TMC1: variants seen among roughly 807,000 people sequenced by gnomAD.
TMC1 encodes transmembrane channel like 1, also known as transmembrane channel-like protein 1.
TMC1 carries 84 observed loss-of-function variants against 105.8 expected under a neutral mutation model. The observed-to-expected ratio is 0.79, with a 90% CI of 0.67 to 0.95. The LOEUF (loss-of-function observed/expected upper bound fraction) is 0.95, where lower values mean the gene tolerates loss of function less well. Ranked by LOEUF, TMC1 falls within the 40% of genes least tolerant of loss-of-function variation. The probability of loss-of-function intolerance (pLI) is 0.00; values close to 1 mark genes in which losing one functional copy is unlikely to be tolerated. For synonymous variants in TMC1, 315 were observed against 311.5 expected (o/e 1.01, Z -0.12); for missense variants, 817 against 914.1 (o/e 0.89, Z 1.37).
At chr9:72,539,801 C>A (rs979689713) in intron 1 of TMC1, among the ~76,000 whole-genome samples, 3 of 152,186 alleles carry the variant, frequency 2.0e-5, no homozygotes, top group African/African-American at 7.2e-5. Context: ...AGTATTCTGA[C>A]TTTGTCCATT....
intron 1 of TMC1, among the ~76,000 whole-genome samples, chr9:72,540,327 G>T (rs924018421): frequency 1.3e-5 from 2 of 152,164 alleles, no homozygotes; most frequent in African/African-American, 4.8e-5. Context: ...GTCATGCTCA[G>T]CCTGTACTAT....
chr9:72,612,670 A>C (rs865814125), intron 2 of TMC1, among the ~76,000 whole-genome samples: 1 of 152,212 alleles, frequency 6.6e-6, no homozygotes, highest in African/African-American at 2.4e-5. Flanking sequence ...CTTTTGGCCC[A>C]TAGGCTATAA....
chr9:72,630,960 C>T (rs542264352), intron 4 of TMC1, among the ~76,000 whole-genome samples: 2 of 151,814 alleles, frequency 1.3e-5, no homozygotes, highest in Non-Finnish European at 2.9e-5. Flanking sequence ...CCTCTGCCTC[C>T]GGGTTCAATC....
intron 8 of TMC1, among the ~76,000 whole-genome samples, chr9:72,706,462 G>A (rs1044389241): frequency 1.3e-5 from 2 of 152,080 alleles, no homozygotes; most frequent in Non-Finnish European, 2.9e-5. Context: ...GGAACAGGTG[G>A]TATTTGGTTA....
rs189422846 is a variant in TMC1, at chr9:72,531,985, G to A, written c.-428+10072G>A. 2.1e-4 allele frequency among the ~76,000 whole-genome samples: 32 copies of A among 152,128 alleles called. No homozygotes were observed. In the East Asian group the frequency reaches 3.5e-3, roughly 17 times the overall value. ...CTTGCTCTGCTGCCCAGGCTGGAGT[G>A]CAGTGGTGTGATCTTGGCTCACTGC... On this transcript the variant is annotated intron_variant, in intron 1 of 23. Transcript: ENST00000297784.
chr9:72,557,067 C>T (rs528336343), intron 1 of TMC1, among the ~76,000 whole-genome samples: 14 of 152,072 alleles, frequency 9.2e-5, no homozygotes, highest in Admixed American at 2.6e-4. Context: ...GGTTGAGAAA[C>T]GCTGGTCTAA....
chr9:72,681,806 CCTCT>C (rs1323261288), intron 5 of TMC1, among the ~76,000 whole-genome samples: 2 of 152,142 alleles, frequency 1.3e-5, no homozygotes, highest in Non-Finnish European at 2.9e-5. Context: ...GAGTTAGTGT[CCTCT>C]CTCTGTGACC....
chr9:72,704,639 C>T (rs1826703429), intron 8 of TMC1, among the ~76,000 whole-genome samples: 1 of 152,124 alleles, frequency 6.6e-6, no homozygotes, highest in South Asian at 2.1e-4. Flanking sequence ...CTCTATACAG[C>T]TGAAAGGAAG....
At chr9:72,785,786 TTATTTC>T (rs1292388933) in intron 13 of TMC1, among the ~76,000 whole-genome samples, 1 of 152,200 alleles carries the variant, frequency 6.6e-6, no homozygotes, top group African/African-American at 2.4e-5. Context: ...CATGAATTGT[TTATTTC>T]TAGAATTTTC....
intron 18 of TMC1, 28 bp downstream of exon 18, chr9:72,805,538 T>A (rs1306126852): frequency 3.8e-6 from 6 of 1,567,436 alleles, no homozygotes; most frequent in Non-Finnish European, 5.2e-6. Flanking sequence ...TTTGCTTTTT[T>A]TTTTTTTTAA....
At chr9:72,770,134 T>C (rs1827901493) in intron 12 of TMC1, among the ~76,000 whole-genome samples, 1 of 152,064 alleles carries the variant, frequency 6.6e-6, no homozygotes, top group East Asian at 1.9e-4. Context: ...CCATGTCTTA[T>C]CTTAGACATG....
intron 3 of TMC1, among the ~76,000 whole-genome samples, chr9:72,620,374 C>T (rs778996494): frequency 2.6e-5 from 4 of 151,754 alleles, no homozygotes; most frequent in Non-Finnish European, 4.4e-5. Context: ...CCTGAGTAGC[C>T]GGGACTATAA....
At chr9:72,614,243 T>C (rs1360227127) in intron 2 of TMC1, among the ~76,000 whole-genome samples, 2 of 152,168 alleles carry the variant, frequency 1.3e-5, no homozygotes, top group African/African-American at 4.8e-5. Flanking sequence ...GTTTGGATGA[T>C]GTCATAATTT....
At chr9:72,525,508 T>A (rs188851442) in intron 1 of TMC1, among the ~76,000 whole-genome samples, 2 of 152,342 alleles carry the variant, frequency 1.3e-5, no homozygotes, top group Admixed American at 6.5e-5. Context: ...TAATTTCTTT[T>A]GAGATTTTAT....
chr9:72,760,894 G>T (rs1550760), intron 12 of TMC1, among the ~76,000 whole-genome samples: 89,459 of 151,882 alleles, frequency 0.59, 28,310 homozygotes, highest in African/African-American at 0.84. Context: ...CCATGAAAGC[G>T]CAGTGCTCTG....
At chr9:72,668,134 G>A (rs925927550) in intron 5 of TMC1, among the ~76,000 whole-genome samples, 1 of 152,052 alleles carries the variant, frequency 6.6e-6, no homozygotes, top group Non-Finnish European at 1.5e-5. Context: ...GTATAGATTC[G>A]AGTGCCTTTT....
chr9:72,835,147 C>T (rs1829101463), intron 23 of TMC1, among the ~76,000 whole-genome samples: 1 of 152,118 alleles, frequency 6.6e-6, no homozygotes, highest in South Asian at 2.1e-4. Context: ...CATCTTCCTC[C>T]CCAACCCCCT....
At chr9:72,775,296 C>G (rs191413186) in intron 13 of TMC1, among the ~76,000 whole-genome samples, 1 of 151,276 alleles carries the variant, frequency 6.6e-6, no homozygotes, top group East Asian at 1.9e-4. Flanking sequence ...TGTACATTTT[C>G]AACCACATCA....
At chr9:72,731,430 AG>A (rs961598291) in intron 8 of TMC1, among the ~76,000 whole-genome samples, 31 of 152,184 alleles carry the variant, frequency 2.0e-4, no homozygotes, top group African/African-American at 7.2e-4. Flanking sequence ...CTAGAACTGA[AG>A]ATAAAGAAAA....
Sources: gnomAD v4.1 joint callset for allele counts (sites outside exome capture counted in the v4.1 genomes callset) on GRCh38, gnomAD v4.1.1 for gene constraint, MANE v1.5 for transcripts, NCBI Gene and HGNC (gene_info 2026-07-23, HGNC 2026-07-21) for gene names.